Variants in GPM6B observed in about 807,000 individuals in gnomAD.
The protein encoded by GPM6B is glycoprotein M6B, also known as neuronal membrane glycoprotein M6-b.
In GPM6B, 4 loss-of-function variants were observed where a neutral mutation model predicts 27.2. The ratio of observed to expected loss-of-function variants is 0.15; its 90% confidence interval spans 0.07 to 0.34. The LOEUF is 0.34. Ranked by LOEUF, GPM6B falls within the 10% of genes least tolerant of loss-of-function variation. GPM6B has a pLI of 1.00. For missense variants in GPM6B, 183 were observed against 261.9 expected, an observed-to-expected ratio of 0.70 and a Z score of 2.08; for synonymous variants, 124 against 103.1, an observed-to-expected ratio of 1.20 and a Z score of -1.23.
At position 13,783,350 on chromosome X, in the gene GPM6B, A is replaced by T. The variant is rs371013304; in HGVS notation, c.525+15T>A. ...GTTGTATATCAAACAATCAGTTATC[A>T]GAGGTTCAACTCACCATTCCACTGA... On this transcript the variant is annotated intron_variant, in intron 4 of 7. Transcript: ENST00000316715. 18 of 1,159,689 alleles carry T rather than the reference A, an allele frequency of 1.6e-5. No homozygotes were observed. Among genetic ancestry groups the T allele is most frequent in the Non-Finnish European group, 2.0e-5 (17 of 866,951 alleles).
chrX:13,790,642 C>T (rs911669176), intron 2 of GPM6B, among the ~76,000 whole-genome samples: 4 of 111,994 alleles, frequency 3.6e-5, no homozygotes, highest in African/African-American at 9.8e-5. Flanking sequence ...TTGGCCATAA[C>T]CCTCCAGTCA....
At chrX:13,809,617 A>T (rs1208025290) in intron 1 of GPM6B, among the ~76,000 whole-genome samples, 1 of 109,831 alleles carries the variant, frequency 9.1e-6, no homozygotes, top group Non-Finnish European at 1.9e-5. Flanking sequence ...CTGTACTAAA[A>T]ATAAAAAAAA....
chrX:13,846,292 C>G (rs996247833), intron 1 of GPM6B, among the ~76,000 whole-genome samples: 1 of 110,832 alleles, frequency 9.0e-6, no homozygotes, highest in African/African-American at 3.3e-5. Flanking sequence ...ATCTGTGTTC[C>G]CGGACATCAT....
At chrX:13,796,769 T>A (rs2048824006) in intron 2 of GPM6B, among the ~76,000 whole-genome samples, 1 of 112,647 alleles carries the variant, frequency 8.9e-6, no homozygotes, top group African/African-American at 3.2e-5. Flanking sequence ...TTAAAATAGA[T>A]GAGCCTCTAA....
At chrX:13,807,138 C>T (rs756434428) in intron 2 of GPM6B, among the ~76,000 whole-genome samples, 1 of 112,372 alleles carries the variant, frequency 8.9e-6, no homozygotes, top group African/African-American at 3.2e-5. Flanking sequence ...TTATCCAATC[C>T]TACTTTCACA....
chrX:13,822,250 C>T (rs2147205719), upstream of GPM6B, among the ~76,000 whole-genome samples: 1 of 111,716 alleles, frequency 9.0e-6, no homozygotes, highest in South Asian at 3.7e-4. Context: ...CTCTACACCT[C>T]CCTCAACAAA....
At chrX:13,829,232 C>A (rs969563735) in intron 1 of GPM6B, among the ~76,000 whole-genome samples, 3 of 111,468 alleles carry the variant, frequency 2.7e-5, no homozygotes, top group Non-Finnish European at 5.6e-5. Flanking sequence ...ATGTCTGCAA[C>A]CTTGTCCAGC....
At chrX:13,906,711 A>C (rs763736670) in intron 1 of GPM6B, among the ~76,000 whole-genome samples, 2 of 112,289 alleles carry the variant, frequency 1.8e-5, no homozygotes, top group Non-Finnish European at 3.8e-5. Context: ...TGATCTTCAT[A>C]TTTTAGGCTC....
intron 1 of GPM6B, among the ~76,000 whole-genome samples, chrX:13,921,575 C>CT (rs1480298811): frequency 1.4e-3 from 82 of 59,997 alleles, no homozygotes; most frequent in African/African-American, 5.1e-3. Flanking sequence ...ATTTATAACC[C>CT]CCCCCCTTTT....
chrX:13,850,770 G>C (rs1486245651), intron 1 of GPM6B, among the ~76,000 whole-genome samples: 2 of 112,338 alleles, frequency 1.8e-5, no homozygotes. Flanking sequence ...GACATGCAAT[G>C]AATAAAAGCA....
intron 1 of GPM6B, among the ~76,000 whole-genome samples, chrX:13,920,160 G>A (rs773590798): frequency 3.8e-5 from 4 of 106,521 alleles, no homozygotes; most frequent in Non-Finnish European, 7.7e-5. Flanking sequence ...CTAGCTACTC[G>A]GGAGGCTGAG....
intron 3 of GPM6B, chrX:13,783,750 G>A: frequency 6.5e-6 from 3 of 463,388 alleles, no homozygotes. Flanking sequence ...GCTCAGGGCA[G>A]CATCCAGTTG....
intron 1 of GPM6B, among the ~76,000 whole-genome samples, chrX:13,924,334 C>G (rs932944188): frequency 1.8e-5 from 2 of 111,676 alleles, no homozygotes; most frequent in Non-Finnish European, 3.8e-5. Context: ...AGGTCTCACT[C>G]TGTCGCCCAG....
At chrX:13,806,812 C>G (rs150287050) in intron 2 of GPM6B, among the ~76,000 whole-genome samples, 3 of 111,887 alleles carry the variant, frequency 2.7e-5, no homozygotes, top group Non-Finnish European at 5.6e-5. Flanking sequence ...CTTTAAGCCT[C>G]TTACTGTGTT....
At position 13,777,359 on chromosome X, in the gene GPM6B, G is replaced by T; in HGVS notation, c.764C>A (p.Thr255Lys). ...GAACTGTGATGAGTTTACCTCGTTT[G>T]TGTTGCAGATGTTCTCCAGGGCAGA... ...CGSALENICN[T>K]NEFYMSYHLF... Residue 255 changes from threonine to lysine, a missense_variant, in exon 6 of 8, where the codon ACA becomes AAA. Physicochemically the swap from Thr to Lys is moderately conservative, Grantham distance 78. Coordinates refer to ENST00000316715, the MANE Select transcript of GPM6B (RefSeq NM_001001995.3). 8.4e-7 allele frequency: 1 copy of T among 1,196,247 alleles called. No individual in the cohort carries two copies. The highest frequency in any genetic ancestry group is 1.1e-6 in the Non-Finnish European group (1 of 881,227).
intron 1 of GPM6B, among the ~76,000 whole-genome samples, chrX:13,865,618 A>T (rs2049907510): frequency 9.6e-6 from 1 of 104,462 alleles, no homozygotes; most frequent in South Asian, 4.3e-4. Context: ...TTAGCTGGGC[A>T]TGGTGGTGCA....
chrX:13,774,475 T>A, intron 7 of GPM6B: 2 of 1,197,338 alleles, frequency 1.7e-6, no homozygotes, highest in South Asian at 3.6e-5. Context: ...ACCTAGACTC[T>A]GCTTTAGTCT....
At chrX:13,828,079 C>T (rs1298637264) in intron 1 of GPM6B, among the ~76,000 whole-genome samples, 2 of 111,177 alleles carry the variant, frequency 1.8e-5, no homozygotes, top group Admixed American at 9.6e-5. Flanking sequence ...ATCTGAGCAA[C>T]AGAAAGCATC....
chrX:13,871,072 CAAAAACAAAAA>C (rs1486751483), intron 1 of GPM6B, among the ~76,000 whole-genome samples: 5 of 76,179 alleles, frequency 6.6e-5, no homozygotes, highest in African/African-American at 2.4e-4. Flanking sequence ...ATCTCTAAAA[CAAAAACAAAAA>C]CAAAACAAAA....
Sources: gnomAD v4.1 joint callset for allele counts (sites outside exome capture counted in the v4.1 genomes callset) on GRCh38, gnomAD v4.1.1 for gene constraint, MANE v1.5 for transcripts, NCBI Gene and HGNC (gene_info 2026-07-23, HGNC 2026-07-21) for gene names.